PI15: variants seen among roughly 807,000 people sequenced by gnomAD.
The protein encoded by PI15 is peptidase inhibitor 15.
Under a neutral mutation model 31.0 loss-of-function variants are expected in PI15, and 18 were observed. The observed-to-expected ratio is 0.58, with a 90% CI of 0.40 to 0.86. The LOEUF (loss-of-function observed/expected upper bound fraction) is 0.86. Ranked by LOEUF, PI15 falls within the 40% of genes least tolerant of loss-of-function variation. PI15 has a pLI of 0.00. For missense variants in PI15, 282 were observed against 328.1 expected, an observed-to-expected ratio of 0.86 and a Z score of 1.09; for synonymous variants, 118 against 119.1, an observed-to-expected ratio of 0.99 and a Z score of 0.06.
At chr8:74,843,041 A>G (rs1030050363) in intron 2 of PI15, among the ~76,000 whole-genome samples, 8 of 152,318 alleles carry the variant, frequency 5.3e-5, no homozygotes, top group Admixed American at 3.3e-4. Context: ...TTATTACACC[A>G]TAATAGAGTA....
chr8:74,837,528 C>A (rs1810888850), intron 2 of PI15, among the ~76,000 whole-genome samples: 1 of 152,114 alleles, frequency 6.6e-6, no homozygotes, highest in South Asian at 2.1e-4. Flanking sequence ...ACAATCATGC[C>A]TATGAAGTGT....
At chr8:74,844,143 T>C (rs375258335) in intron 3 of PI15, 44 bp downstream of exon 3, 7 of 862,652 alleles carry the variant, frequency 8.1e-6, no homozygotes, top group South Asian at 1.3e-5. Context: ...CATGGCTTTA[T>C]TAATTATGGA....
intron 2 of PI15, among the ~76,000 whole-genome samples, chr8:74,827,530 T>C (rs994206001): frequency 2.0e-5 from 3 of 152,166 alleles, no homozygotes; most frequent in Non-Finnish European, 4.4e-5. Flanking sequence ...CATTGTGATC[T>C]TCATTTTACA....
intron 2 of PI15, among the ~76,000 whole-genome samples, chr8:74,839,320 A>G (rs150683679): frequency 6.6e-6 from 1 of 152,306 alleles, no homozygotes; most frequent in African/African-American, 2.4e-5. Flanking sequence ...AAATCAACCA[A>G]TTTATGAGCT....
chr8:74,839,498 G>T (rs2128765112), intron 2 of PI15, among the ~76,000 whole-genome samples: 1 of 152,188 alleles, frequency 6.6e-6, no homozygotes, highest in Non-Finnish European at 1.5e-5. Context: ...AACTTCTAGT[G>T]GGTCTTGTAA....
intron 1 of PI15, 169 bp from the exon 2 acceptor site, chr8:74,825,034 CTAAAAAA>C: frequency 1.6e-6 from 1 of 617,172 alleles, no homozygotes; most frequent in Non-Finnish European, 2.9e-6. Context: ...CCTCATGACA[CTAAAAAA>C]TGAATAGAGA....
At chr8:74,848,732 T>TATATATATATAGAGAGAGAG (rs1191072583) in intron 5 of PI15, among the ~76,000 whole-genome samples, 1 of 136,352 alleles carries the variant, frequency 7.3e-6, no homozygotes, top group African/African-American at 2.8e-5. Flanking sequence ...TATATATATA[T>TATATATATATAGAGAGAGAG]AGAGAGAGAG....
At chr8:74,836,557 GA>G (rs551806952) in intron 2 of PI15, among the ~76,000 whole-genome samples, 3 of 150,668 alleles carry the variant, frequency 2.0e-5, no homozygotes, top group East Asian at 1.9e-4. Context: ...AACAAGGATG[GA>G]AAAAAAAAGA....
At chr8:74,844,511 C>T (rs1378180473) in intron 3 of PI15, among the ~76,000 whole-genome samples, 2 of 151,340 alleles carry the variant, frequency 1.3e-5, no homozygotes, top group African/African-American at 4.9e-5. Flanking sequence ...CATATACCCG[C>T]ATTTACATAA....
rs1188516923 is a variant in PI15 at position 74,845,178 on chromosome 8, A to C, written c.443A>C (p.Asp148Ala). 1.2e-6 allele frequency: 2 copies of C among 1,612,548 alleles called. No homozygotes were observed. The highest frequency in any genetic ancestry group is 2.7e-5 in the African/African-American group (2 of 74,894). ...LVKPWYDEVKDYAFPYPQDCN... is the reference protein window; with the variant it reads ...LVKPWYDEVKAYAFPYPQDCN... ...AAGCCATGGTATGATGAAGTGAAAG[A>C]TTATGCTTTTCCATATCCCCAGGAT... Residue 148 changes from aspartate to alanine, a missense_variant, in exon 4 of 6, where the codon GAT (aspartate) becomes GCT (alanine). Transcript: ENST00000260113.
chr8:74,842,989 C>T (rs2916167), intron 2 of PI15, among the ~76,000 whole-genome samples: 9 of 152,020 alleles, frequency 5.9e-5, no homozygotes, highest in Non-Finnish European at 1.0e-4. Context: ...TTTATTACCA[C>T]CAATGATTCA....
At chr8:74,825,153 A>C in intron 1 of PI15, 57 bp from the exon 2 acceptor site, 1 of 946,624 alleles carries the variant, frequency 1.1e-6, no homozygotes, top group Non-Finnish European at 1.6e-6. Context: ...TTGTAAATTC[A>C]TACCCTCTGG....
intron 4 of PI15, 53 bp from the exon 5 acceptor site, chr8:74,845,329 A>G (rs1158950898): frequency 6.3e-7 from 1 of 1,578,810 alleles, no homozygotes; most frequent in Non-Finnish European, 8.7e-7. Flanking sequence ...TTTGGTGGAC[A>G]TGCATTGTCT....
chr8:74,847,402 G>T (rs529207723), intron 5 of PI15, among the ~76,000 whole-genome samples: 1 of 150,886 alleles, frequency 6.6e-6, no homozygotes, highest in East Asian at 2.0e-4. Context: ...CTGAGATCAC[G>T]CCATTGCACT....
chr8:74,843,299 G>A (rs1419515641), intron 2 of PI15, among the ~76,000 whole-genome samples: 1 of 152,168 alleles, frequency 6.6e-6, no homozygotes, highest in African/African-American at 2.4e-5. Flanking sequence ...ACTGATGTAT[G>A]AATGTTGGAT....
In PI15 at chr8:74,853,835, GCTT is replaced by G. The variant is rs1264915727; in HGVS notation, c.*4583_*4585del. ...CCAGTTCTGAGGCACTTATTAAAGT[GCTT>G]TTTTTTTTCTGAATTAATTAGGTAT... On this transcript the variant is annotated 3_prime_UTR_variant, in exon 6 of 6. Transcript: ENST00000260113. The G allele has an allele frequency of 6.7e-6, 1 of 149,986 alleles. No homozygotes were observed. The highest frequency in any genetic ancestry group is 1.5e-5 in the Non-Finnish European group (1 of 67,766). 9.3% of individuals were successfully genotyped at this position (149,986 alleles called of 1,614,324 possible).
At chr8:74,836,061 G>A (rs1455973118) in intron 2 of PI15, among the ~76,000 whole-genome samples, 1 of 152,140 alleles carries the variant, frequency 6.6e-6, no homozygotes, top group Non-Finnish European at 1.5e-5. Flanking sequence ...TTTGCTCACT[G>A]AGCAGATATA....
intron 5 of PI15, among the ~76,000 whole-genome samples, chr8:74,846,791 GGAGAGAGAGAAA>G (rs983704589): frequency 1.3e-5 from 2 of 151,500 alleles, no homozygotes; most frequent in Admixed American, 1.3e-4. Context: ...AAAGAGAGAC[GGAGAGAGAGAAA>G]GAGAGAGAGG....
At chr8:74,841,448 T>C (rs569643349) in intron 2 of PI15, among the ~76,000 whole-genome samples, 8 of 152,360 alleles carry the variant, frequency 5.3e-5, no homozygotes, top group Admixed American at 3.3e-4. Flanking sequence ...CAGTCGCAGA[T>C]GACCTTAGCA....
Sources: allele counts gnomAD v4.1 joint callset (sites outside exome capture counted in the v4.1 genomes callset), GRCh38; gene constraint gnomAD v4.1.1; transcripts MANE v1.5; gene names NCBI Gene and HGNC (gene_info 2026-07-23, HGNC 2026-07-21).